BTAF1: variants seen among roughly 807,000 people sequenced by gnomAD.
The protein encoded by BTAF1 is TATA-binding protein-associated factor 172.
In BTAF1, 38 loss-of-function variants were observed where a neutral mutation model predicts 227.1. That is an observed-to-expected ratio of 0.17 (90% CI 0.13 to 0.22). The LOEUF (loss-of-function observed/expected upper bound fraction) is 0.22. BTAF1 is among the 10% of genes least tolerant of loss of function. The pLI is 1.00. For missense variants in BTAF1, 1,598 were observed against 2,204.0 expected (o/e 0.73, Z 5.51); for synonymous variants, 742 against 751.9 (o/e 0.99, Z 0.21).
chr10:91,957,959 G>T (rs1846213481), intron 8 of BTAF1, among the ~76,000 whole-genome samples: 1 of 152,046 alleles, frequency 6.6e-6, no homozygotes, highest in African/African-American at 2.4e-5. Context: ...ATCCCCAGGG[G>T]TATAGTGATG....
intron 14 of BTAF1, among the ~76,000 whole-genome samples, chr10:91,978,117 TCA>T: frequency 6.6e-6 from 1 of 152,208 alleles, no homozygotes; most frequent in South Asian, 2.1e-4. Flanking sequence ...AATTACAGTA[TCA>T]CACAGAATAG....
intron 19 of BTAF1, among the ~76,000 whole-genome samples, chr10:91,987,073 A>G (rs73312398): frequency 0.012 from 1,799 of 148,122 alleles, 33 homozygotes; most frequent in African/African-American, 0.041. Flanking sequence ...TTACTTAAAT[A>G]TCTCACTGTC....
At chr10:91,950,149 G>GTTGC (rs142564084) in intron 4 of BTAF1, among the ~76,000 whole-genome samples, 1 of 39,640 alleles carries the variant, frequency 2.5e-5, no homozygotes, top group East Asian at 3.8e-3. Context: ...TGTCCTTTGT[G>GTTGC]GGGGGGGGCG....
chr10:92,011,282 T>G lies in BTAF1; in HGVS notation c.4182-4T>G, dbSNP rs755496112. 1 of 1,505,242 alleles carries G rather than the reference T, an allele frequency of 6.6e-7. No homozygotes were observed. Among genetic ancestry groups the G allele is most frequent in the East Asian group, 2.4e-5 (1 of 42,058 alleles). 93.2% of individuals were successfully genotyped at this position (1,505,242 alleles called of 1,614,324 possible). ...TGTAAAATTTTCTATTTATTCTCCCTTAGAAATATTAAATTTAACTACTGC... is the reference window on the plus strand; with the variant it reads ...TGTAAAATTTTCTATTTATTCTCCCGTAGAAATATTAAATTTAACTACTGC... On this transcript the variant is annotated splice_polypyrimidine_tract_variant and splice_region_variant and intron_variant, in intron 29 of 37. Transcript: ENST00000265990.
chr10:91,971,277 A>G (rs2133941040), intron 14 of BTAF1, among the ~76,000 whole-genome samples: 1 of 152,236 alleles, frequency 6.6e-6, no homozygotes, highest in East Asian at 1.9e-4. Flanking sequence ...GAAACTTAAT[A>G]TTGGTGCTTC....
chr10:91,987,194 T>G (rs1848458749), intron 19 of BTAF1, among the ~76,000 whole-genome samples: 1 of 149,300 alleles, frequency 6.7e-6, no homozygotes, highest in South Asian at 2.1e-4. Flanking sequence ...GAAAGTCTCA[T>G]GTGTTTAGGC....
At chr10:91,985,273 G>A (rs74149344) in intron 19 of BTAF1, among the ~76,000 whole-genome samples, 2,049 of 150,666 alleles carry the variant, frequency 0.014, 47 homozygotes, top group African/African-American at 0.045. Context: ...TCTTAGAATG[G>A]TATTTTTGAA....
intron 32 of BTAF1, among the ~76,000 whole-genome samples, chr10:92,014,828 T>C (rs1204317394): frequency 6.6e-6 from 1 of 152,168 alleles, no homozygotes; most frequent in African/African-American, 2.4e-5. Flanking sequence ...TAGAGTGTAC[T>C]TACACACACC....
chr10:91,941,005 C>A (rs769629740), intron 3 of BTAF1, among the ~76,000 whole-genome samples: 1 of 152,126 alleles, frequency 6.6e-6, no homozygotes, highest in Non-Finnish European at 1.5e-5. Context: ...CCACTGTGCC[C>A]GGCCTCAACT....
At chr10:91,967,284 A>G (rs1481503167) in intron 14 of BTAF1, among the ~76,000 whole-genome samples, 1 of 152,208 alleles carries the variant, frequency 6.6e-6, no homozygotes, top group Non-Finnish European at 1.5e-5. Context: ...GATCATTCAG[A>G]TAATATCAGT....
At chr10:92,024,531 T>G (rs1193386540) in intron 34 of BTAF1, among the ~76,000 whole-genome samples, 2 of 151,944 alleles carry the variant, frequency 1.3e-5, no homozygotes, top group African/African-American at 2.4e-5. Context: ...TAAAAAAAAT[T>G]AAATGAAAAC....
intron 6 of BTAF1, among the ~76,000 whole-genome samples, chr10:91,955,480 G>A (rs1846029696): frequency 6.6e-6 from 1 of 152,010 alleles, no homozygotes; most frequent in Non-Finnish European, 1.5e-5. Flanking sequence ...AATGTTAAGC[G>A]TTAAGGAAAA....
chr10:91,974,830 G>A (rs1847570713), intron 14 of BTAF1, among the ~76,000 whole-genome samples: 1 of 152,172 alleles, frequency 6.6e-6, no homozygotes, highest in Non-Finnish European at 1.5e-5. Context: ...CTCCAGCCTA[G>A]GTGACAGAGT....
chr10:92,001,983 TATACACACAC>T (rs1483160707), intron 25 of BTAF1, among the ~76,000 whole-genome samples: 3 of 89,334 alleles, frequency 3.4e-5, no homozygotes, highest in African/African-American at 6.7e-5. Context: ...TATATATATA[TATACACACAC>T]ACACACACAC....
chr10:92,007,982 AT>A, intron 25 of BTAF1, 140 bp from the exon 26 acceptor site: 2 of 743,380 alleles, frequency 2.7e-6, no homozygotes, highest in Non-Finnish European at 4.3e-6. Flanking sequence ...ATGCTTGTCA[AT>A]TTCTTTAACC....
chr10:92,027,388 C>G, intron 37 of BTAF1, 88 bp downstream of exon 37: 1 of 1,269,852 alleles, frequency 7.9e-7, no homozygotes, highest in South Asian at 1.6e-5. Context: ...CAGCAAAATG[C>G]GTTTACTTTA....
chr10:91,991,932 T>C (rs1185352339), intron 20 of BTAF1, among the ~76,000 whole-genome samples, 187 bp from the exon 21 acceptor site: 1 of 151,908 alleles, frequency 6.6e-6, no homozygotes, highest in Non-Finnish European at 1.5e-5. Context: ...CTGGATTGTA[T>C]TAGGTATAAA....
At chr10:92,026,375 A>T (rs1222601478) in intron 35 of BTAF1, among the ~76,000 whole-genome samples, 2 of 152,144 alleles carry the variant, frequency 1.3e-5, no homozygotes, top group African/African-American at 4.8e-5. Context: ...AGTTTGCCTT[A>T]TTTTGTATTT....
chr10:91,974,834 A>G (rs2133955210), intron 14 of BTAF1, among the ~76,000 whole-genome samples: 1 of 152,334 alleles, frequency 6.6e-6, no homozygotes, highest in South Asian at 2.1e-4. Flanking sequence ...AGCCTAGGTG[A>G]CAGAGTGAAA....
Sources: allele counts gnomAD v4.1 joint callset (sites outside exome capture counted in the v4.1 genomes callset), GRCh38; gene constraint gnomAD v4.1.1; transcripts MANE v1.5; gene names NCBI Gene and HGNC (gene_info 2026-07-23, HGNC 2026-07-21).